CDH13: variants seen among roughly 807,000 people sequenced by gnomAD.
CDH13 encodes cadherin-13.
CDH13 carries 24 observed loss-of-function variants against 63.8 expected under a neutral mutation model. The ratio of observed to expected loss-of-function variants is 0.38; its 90% confidence interval spans 0.27 to 0.53. The LOEUF is 0.53. CDH13 is among the 20% of genes least tolerant of loss of function. The pLI is 0.85. For missense variants in CDH13, 1,049 were observed against 903.1 expected (o/e 1.16, Z -2.07); for synonymous variants, 503 against 355.3 (o/e 1.42, Z -4.67).
rs1044540760 is a variant in CDH13 at position 83,214,341 on chromosome 16, A to C, written c.484-3004A>C. ...ACACCTGTAATCCCAGCACTTTGGG[A>C]GGCTGAGGCGGGTGGATCACATCAG... On this transcript the variant is annotated intron_variant, in intron 4 of 13. Coordinates refer to ENST00000567109, the MANE Select transcript of CDH13 (RefSeq NM_001257.5). Among the ~76,000 whole-genome samples the C allele has an allele frequency of 3.9e-5, 6 of 152,104 alleles. No homozygotes were observed. In the East Asian group the frequency reaches 1.2e-3, roughly 30 times the overall value.
intron 2 of CDH13, among the ~76,000 whole-genome samples, chr16:83,014,750 A>ATATATATATATATATATATG (rs1914533113): frequency 2.8e-5 from 1 of 36,312 alleles, no homozygotes; most frequent in African/African-American, 9.1e-5. Flanking sequence ...AAAAATATAT[A>ATATATATATATATATATATG]TATATATATA....
intron 4 of CDH13, among the ~76,000 whole-genome samples, chr16:83,142,210 A>C (rs1190612333): frequency 6.8e-6 from 1 of 146,818 alleles, no homozygotes; most frequent in African/African-American, 2.5e-5. Context: ...CACCCAGCTA[A>C]AGTGCAGTGG....
At chr16:82,882,135 G>A (rs1344681446) in intron 2 of CDH13, among the ~76,000 whole-genome samples, 1 of 152,168 alleles carries the variant, frequency 6.6e-6, no homozygotes, top group Non-Finnish European at 1.5e-5. Context: ...TTTAGAGCAT[G>A]TAAATTATGA....
intron 2 of CDH13, among the ~76,000 whole-genome samples, chr16:83,000,220 CTTATTTTTTTTTTTTTTTT>C (rs1666049681): frequency 2.9e-5 from 1 of 33,948 alleles, no homozygotes; most frequent in African/African-American, 1.0e-4. Flanking sequence ...ACAGGTTTAG[CTTATTTTTTTTTTTTTTTT>C]TTTTTTTTTT....
chr16:83,067,038 T>A (rs566407627), intron 3 of CDH13, among the ~76,000 whole-genome samples: 1 of 152,314 alleles, frequency 6.6e-6, no homozygotes, highest in East Asian at 1.9e-4. Flanking sequence ...TTTTCCAAGC[T>A]GCCATGGATG....
At chr16:82,676,848 A>G (rs1913970783) in intron 1 of CDH13, among the ~76,000 whole-genome samples, 1 of 148,170 alleles carries the variant, frequency 6.7e-6, no homozygotes, top group Non-Finnish European at 1.5e-5. Context: ...GTATTTACAC[A>G]GTTTTGTTTT....
At chr16:82,778,803 T>G (rs1182552244) in intron 1 of CDH13, among the ~76,000 whole-genome samples, 1 of 152,144 alleles carries the variant, frequency 6.6e-6, no homozygotes, top group African/African-American at 2.4e-5. Context: ...AGAAAAAACA[T>G]GGCAAAGACC....
intron 3 of CDH13, among the ~76,000 whole-genome samples, chr16:83,070,415 C>T (rs1167046619): frequency 6.6e-6 from 1 of 152,098 alleles, no homozygotes; most frequent in African/African-American, 2.4e-5. Flanking sequence ...TTCTTTTCTT[C>T]TTAAAGAATA....
intron 1 of CDH13, among the ~76,000 whole-genome samples, chr16:82,847,908 T>TTTTTG: frequency 1.3e-5 from 2 of 151,808 alleles, no homozygotes; most frequent in African/African-American, 4.8e-5. Context: ...TTTTTTTTTT[T>TTTTTG]TGTACTTCAC....
chr16:83,023,443 G>A (rs957529662), intron 2 of CDH13, among the ~76,000 whole-genome samples: 37 of 152,252 alleles, frequency 2.4e-4, no homozygotes, highest in African/African-American at 8.4e-4. Flanking sequence ...TCAAATCCGT[G>A]AGAAACTATG....
Position 82,774,892 on chromosome 16 carries a change from T to G in CDH13, c.46-83470T>G, listed in dbSNP as rs1018032318. ...CCTCTGTTACCAAACAAGCTCTTCC[T>G]ATAGCTGCAGCTGAGGAATAAAAAT... On this transcript the variant is annotated intron_variant, in intron 1 of 13. Transcript: ENST00000567109. 2.6e-5 allele frequency among the ~76,000 whole-genome samples: 4 copies of G among 152,220 alleles called. No homozygotes were observed. In the East Asian group the frequency reaches 7.7e-4, roughly 29 times the overall value.
At chr16:82,989,905 C>G in intron 2 of CDH13, among the ~76,000 whole-genome samples, 1 of 152,088 alleles carries the variant, frequency 6.6e-6, no homozygotes, top group African/African-American at 2.4e-5. Flanking sequence ...CCCCACGTCT[C>G]CGTTCAACAA....
At chr16:83,281,199 C>A (rs1156243559) in intron 5 of CDH13, among the ~76,000 whole-genome samples, 5 of 152,222 alleles carry the variant, frequency 3.3e-5, no homozygotes, top group Non-Finnish European at 7.3e-5. Flanking sequence ...TTAGCTGGAT[C>A]TTCTGGATAT....
rs149819670 is a variant in CDH13 at position 82,704,303 on chromosome 16, A to T, written c.45+77166A>T. On this transcript the variant is annotated intron_variant, in intron 1 of 13. Transcript: ENST00000567109. ...TTTGAGTTTGAATTATGGATGTTAC[A>T]GAATGAATCATTAAGGCTGTGTCCA... 6.5e-4 allele frequency among the ~76,000 whole-genome samples: 99 copies of T among 152,320 alleles called. 1 individual carries two copies. The highest frequency in any genetic ancestry group is 2.2e-3 in the African/African-American group (92 of 41,576).
chr16:82,970,011 A>T (rs1265823189), intron 2 of CDH13, among the ~76,000 whole-genome samples: 1 of 151,784 alleles, frequency 6.6e-6, no homozygotes, highest in African/African-American at 2.4e-5. Flanking sequence ...GTAGGTATAC[A>T]CGTGCTATGG....
chr16:83,080,783 T>C lies in CDH13; in HGVS notation c.367-44602T>C, dbSNP rs890556439. Among the ~76,000 whole-genome samples, 30 of 151,554 alleles carry C rather than the reference T, an allele frequency of 2.0e-4. 1 individual carries two copies. Among genetic ancestry groups the C allele is most frequent in the African/African-American group, 6.8e-4 (28 of 41,268 alleles). ...AAGGAAGATTATTACATGAATAGTA[T>C]GGGAATCTTGGCAGAAAATTAGTGG... On this transcript the variant is annotated intron_variant, in intron 3 of 13. Transcript: ENST00000567109.
At chr16:83,609,887 C>T (rs1174374663) in intron 8 of CDH13, among the ~76,000 whole-genome samples, 1 of 152,124 alleles carries the variant, frequency 6.6e-6, no homozygotes. Context: ...ATTGCCCATT[C>T]CCCCACGCTG....
rs564742151 is a variant in CDH13, at chr16:82,863,193, G to A, written c.157+4720G>A. 2.6e-5 allele frequency among the ~76,000 whole-genome samples: 4 copies of A among 152,328 alleles called. No homozygotes were observed. In the South Asian group the frequency reaches 8.3e-4, roughly 32 times the overall value. ...GAAATGGACCACAAAGGAGCCAGCT[G>A]TCTTGGAGTAACCAAGGCCTACATA... On this transcript the variant is annotated intron_variant, in intron 2 of 13. Coordinates refer to ENST00000567109, the MANE Select transcript of CDH13 (RefSeq NM_001257.5).
rs1259198288 is a variant in CDH13, at chr16:83,344,852, G to T, written c.637-10G>T. 1.9e-6 allele frequency: 3 copies of T among 1,612,684 alleles called. No individual in the cohort carries two copies. Among genetic ancestry groups the T allele is most frequent in the Non-Finnish European group, 2.5e-6 (3 of 1,179,102 alleles). ...ATCTTCTTTCTCCCCCAATCTCTTT[G>T]CTCAAATAGCTATTTGTGGAGACCA... is the stretch of plus-strand genomic sequence containing the variant. On this transcript the variant is annotated splice_polypyrimidine_tract_variant and intron_variant, in intron 5 of 13. Coordinates refer to ENST00000567109, the MANE Select transcript of CDH13 (RefSeq NM_001257.5).
Sources: allele counts gnomAD v4.1 joint callset (sites outside exome capture counted in the v4.1 genomes callset), GRCh38; gene constraint gnomAD v4.1.1; transcripts MANE v1.5; gene names NCBI Gene and HGNC (gene_info 2026-07-23, HGNC 2026-07-21).